Variants in EXOC1 observed in about 807,000 individuals in gnomAD.
The protein encoded by EXOC1 is exocyst complex component 1.
A neutral mutation model predicts 107.7 loss-of-function variants in EXOC1; 67 were observed. The ratio of observed to expected loss-of-function variants is 0.62; its 90% CI spans 0.51 to 0.76. The LOEUF is 0.76. Among genes scored for constraint, EXOC1 ranks in the 30% least tolerant of loss-of-function variants. The pLI is 0.00. For synonymous variants in EXOC1, 348 were observed against 353.5 expected (o/e 0.98, Z 0.17); for missense variants, 833 against 1,055.7 (o/e 0.79, Z 2.92).
At chr4:55,876,952 C>A (rs1002304454) in intron 8 of EXOC1, 2 of 985,096 alleles carry the variant, frequency 2.0e-6, no homozygotes, top group African/African-American at 3.5e-5. Flanking sequence ...CTTATACTCC[C>A]ATCTTTCTTT....
chr4:55,877,808 A>G (rs1275233155), intron 8 of EXOC1, 109 bp from the exon 9 acceptor site: 8 of 1,490,214 alleles, frequency 5.4e-6, no homozygotes, highest in East Asian at 4.9e-5. Flanking sequence ...TTATTTTTCT[A>G]TGTCTTATTG....
At chr4:55,868,713 C>A in intron 5 of EXOC1, 190 bp downstream of exon 5, 1 of 444,494 alleles carries the variant, frequency 2.2e-6, no homozygotes, top group Non-Finnish European at 3.8e-6. Flanking sequence ...TCCTGTTAAG[C>A]CAATGAAGAC....
rs961507271 is a variant in EXOC1 at position 55,899,798 on chromosome 4, G to GA, written c.2259dup (p.Glu754ArgfsTer23). On this transcript the variant is annotated frameshift_variant, in exon 17 of 19. Coordinates refer to ENST00000381295, the MANE Select transcript of EXOC1 (RefSeq NM_001024924.2). LOFTEE classifies it high-confidence loss of function. ...ATTGAAAATCTCATGTCTAGAAGCA[G>GA]AAAAAAAAGAAGCCAAACAAAAATA... is the stretch of plus-strand genomic sequence containing the variant. 2.5e-6 allele frequency: 4 copies of GA among 1,612,150 alleles called. No homozygotes were observed. The highest frequency in any genetic ancestry group is 1.7e-4 in the Middle Eastern group (1 of 5,968).
intron 5 of EXOC1, 100 bp downstream of exon 5, chr4:55,868,623 G>GTGT (rs1307212371): frequency 3.0e-6 from 3 of 1,000,424 alleles, no homozygotes; most frequent in Non-Finnish European, 4.3e-6. Flanking sequence ...CCTTTATAGT[G>GTGT]TGTTATTGCC....
rs745625777 is a variant in EXOC1 at position 55,904,474 on chromosome 4, C to G, written c.2664C>G (p.Ser888=). Residue 888 remains serine (S), a synonymous_variant, in exon 19 of 19, where the codon TCC becomes TCG. Coordinates refer to ENST00000381295, the MANE Select transcript of EXOC1 (RefSeq NM_001024924.2). ...TTCAGGACATTCTGGATTATTGTTC[C>G]AGCATTGCACAGTCCCACTAAACCT... ...FTIQDILDYC[S]SIAQSH The G allele has an allele frequency of 1.9e-6, 3 of 1,611,616 alleles. No homozygotes were observed. Among genetic ancestry groups the G allele is most frequent in the Admixed American group, 3.4e-5 (2 of 59,654 alleles).
intron 4 of EXOC1, among the ~76,000 whole-genome samples, chr4:55,866,285 TTCA>T (rs1560333671): frequency 6.6e-6 from 1 of 152,226 alleles, no homozygotes; most frequent in African/African-American, 2.4e-5. Context: ...AAGAGGACTT[TTCA>T]GCAGTTGAAG....
intron 5 of EXOC1, chr4:55,868,726 T>C (rs969985512): frequency 4.7e-6 from 2 of 422,888 alleles, no homozygotes; most frequent in Admixed American, 8.3e-5. Context: ...ATGAAGACAG[T>C]TGGCTGAGAT....
intron 4 of EXOC1, chr4:55,866,786 T>A: frequency 1.2e-6 from 1 of 826,798 alleles, no homozygotes; most frequent in Non-Finnish European, 1.5e-6. Context: ...GGTAGTATTT[T>A]AAAAATTTAA....
At chr4:55,878,241 G>T (rs900529774) in intron 9 of EXOC1, among the ~76,000 whole-genome samples, 175 bp downstream of exon 9, 1 of 152,162 alleles carries the variant, frequency 6.6e-6, no homozygotes, top group Non-Finnish European at 1.5e-5. Flanking sequence ...GGATAAAGGA[G>T]AGCTAAATTT....
In EXOC1 at chr4:55,904,506, A is replaced by G. The variant is rs772592376; in HGVS notation, c.*11A>G. 7 of 1,599,492 alleles carry G rather than the reference A, an allele frequency of 4.4e-6. No homozygotes were observed. The highest frequency in any genetic ancestry group is 4.3e-6 in the Non-Finnish European group (5 of 1,172,786). The stretch of plus-strand genomic sequence containing the variant: ...GCACAGTCCCACTAAACCTTGTGAA[A>G]GAAGAAAAGATAACTGAATGAAGCA... On this transcript the variant is annotated 3_prime_UTR_variant, in exon 19 of 19. Transcript: ENST00000381295.
intron 15 of EXOC1, among the ~76,000 whole-genome samples, chr4:55,894,186 G>A (rs963326110): frequency 2.3e-4 from 35 of 152,074 alleles, no homozygotes; most frequent in Admixed American, 3.9e-4. Context: ...TTAGCCGGGC[G>A]TGGTAGCACA....
chr4:55,888,399 T>A (rs529901128), intron 10 of EXOC1, among the ~76,000 whole-genome samples: 23 of 152,192 alleles, frequency 1.5e-4, no homozygotes, highest in African/African-American at 5.3e-4. Context: ...CTCATATAAT[T>A]TTTTGTTGGA....
chr4:55,904,291 G>C, intron 18 of EXOC1, 52 bp from the exon 19 acceptor site: 1 of 1,521,460 alleles, frequency 6.6e-7, no homozygotes, highest in African/African-American at 1.4e-5. Context: ...CTGCATACTA[G>C]ATTACATATT....
At position 55,864,256 on chromosome 4, in the gene EXOC1, A is replaced by G; in HGVS notation, c.285A>G (p.Glu95=). The G allele has an allele frequency of 1.3e-6, 2 of 1,586,504 alleles. No individual in the cohort carries two copies. The highest frequency in any genetic ancestry group is 1.7e-6 in the Non-Finnish European group (2 of 1,167,374). ...ATCCTGAATTTGATTTACACTTTGA[A>G]AAAATATATAAATGGGTTGCCAGCA... The part of the protein sequence containing the change: ...KENPEFDLHF[E]KIYKWVASST... Residue 95 remains glutamate, a synonymous_variant, in exon 4 of 19, where the codon GAA becomes GAG. Transcript: ENST00000381295.
At chr4:55,864,076 T>G (rs1721730095) in intron 3 of EXOC1, 151 bp from the exon 4 acceptor site, 4 of 564,554 alleles carry the variant, frequency 7.1e-6, no homozygotes, top group Non-Finnish European at 1.2e-5. Context: ...TGCTATAAAT[T>G]GAATTCTCCA....
chr4:55,860,649 G>T, intron 3 of EXOC1, 108 bp downstream of exon 3: 17 of 1,339,044 alleles, frequency 1.3e-5, no homozygotes, highest in African/African-American at 3.0e-5. Context: ...ATATATGTTT[G>T]TTTTCTTATT....
chr4:55,869,214 A>G (rs1417464983), intron 5 of EXOC1, among the ~76,000 whole-genome samples: 1 of 152,094 alleles, frequency 6.6e-6, no homozygotes, highest in Non-Finnish European at 1.5e-5. Flanking sequence ...AAAAAAAAAA[A>G]AATTAGCCAG....
At chr4:55,883,780 A>G (rs1723622428) in intron 9 of EXOC1, 43 bp from the exon 10 acceptor site, 1 of 1,228,640 alleles carries the variant, frequency 8.1e-7, no homozygotes, top group Non-Finnish European at 1.1e-6. Flanking sequence ...AAATTGTTAT[A>G]TGTGTTTTAT....
At chr4:55,854,178 A>G (rs1577678005) in intron 1 of EXOC1, among the ~76,000 whole-genome samples, 2 of 122,306 alleles carry the variant, frequency 1.6e-5, no homozygotes, top group Non-Finnish European at 3.5e-5. Context: ...CGGCCCCCCA[A>G]CCCCAACTCC....
Sources: gnomAD v4.1 joint callset for allele counts (sites outside exome capture counted in the v4.1 genomes callset) on GRCh38, gnomAD v4.1.1 for gene constraint, MANE v1.5 for transcripts, NCBI Gene and HGNC (gene_info 2026-07-23, HGNC 2026-07-21) for gene names.